Variants in HOXC5 observed in about 807,000 individuals in gnomAD.
HOXC5 encodes homeobox protein Hox-C5.
HOXC5 carries 19 observed loss-of-function variants against 20.1 expected under a neutral mutation model. The ratio of observed to expected loss-of-function variants is 0.94; its 90% CI spans 0.66 to 1.38. The LOEUF is 1.38. Among genes scored for constraint, HOXC5 ranks in the 40% most tolerant of loss-of-function variants. The pLI, the probability that HOXC5 is intolerant of heterozygous loss-of-function variation, is 0.00. For synonymous variants in HOXC5, 124 were observed against 117.0 expected (o/e 1.06, Z -0.39); for missense variants, 330 against 300.1 (o/e 1.10, Z -0.74).
At chr12:54,028,892 C>A (rs768769275), upstream of HOXC5, 12 of 1,612,358 alleles carry the variant, frequency 7.4e-6, no homozygotes, top group Non-Finnish European at 1.0e-5. Context: ...CAGATTTACC[C>A]CTGGATGCAG....
upstream of HOXC5, chr12:54,028,712 G>A: frequency 1.2e-6 from 2 of 1,614,072 alleles, 1 homozygote; most frequent in Non-Finnish European, 1.7e-6. Flanking sequence ...GTCGTGTTCA[G>A]TTCCAGCCGG....
rs1161639089 is a variant in HOXC5 at position 54,035,245 on chromosome 12, C to T, written c.*753C>T. ...AGAGGCCCTTTGCTGTCCCATAGTCCCTGCCACGAATTTCTGTGCCCTCCT... is the reference window on the plus strand; with the variant it reads ...AGAGGCCCTTTGCTGTCCCATAGTCTCTGCCACGAATTTCTGTGCCCTCCT... On this transcript the variant is annotated 3_prime_UTR_variant, in exon 2 of 2. Transcript: ENST00000312492. 6.5e-6 allele frequency: 1 copy of T among 152,810 alleles called. No homozygotes were observed. Among genetic ancestry groups the T allele is most frequent in the Admixed American group, 6.5e-5 (1 of 15,298 alleles). 9.5% of individuals were successfully genotyped at this position (152,810 alleles called of 1,614,324 possible).
At chr12:54,029,670 C>T, upstream of HOXC5, 2 of 1,613,094 alleles carry the variant, frequency 1.2e-6, no homozygotes, top group East Asian at 2.2e-5. Context: ...GGCTACGGAG[C>T]GGACCGGAGG....
At position 54,033,292 on chromosome 12, in the gene HOXC5, C is replaced by G. The variant is rs1401478868; in HGVS notation, c.170C>G (p.Ser57Cys). The change falls in exon 1 of 2, where the codon TCT (serine) becomes TGT (cysteine). Residue 57 changes from serine to cysteine, a missense_variant. Coordinates refer to ENST00000312492, the MANE Select transcript of HOXC5 (RefSeq NM_018953.4). Reference sequence around the variant, plus strand: ...TTCCCACCGCCTGCGCCTTCCAACTCTCTCCACGGGGTAGACATGGCTGCC... The same window carrying G: ...TTCCCACCGCCTGCGCCTTCCAACTGTCTCCACGGGGTAGACATGGCTGCC... Reference protein sequence around the residue: ...ITFPPPAPSNSLHGVDMAANP... With the variant: ...ITFPPPAPSNCLHGVDMAANP... 4 of 1,614,202 alleles carry G rather than the reference C, an allele frequency of 2.5e-6. No homozygotes were observed. Among genetic ancestry groups the G allele is most frequent in the Non-Finnish European group, 3.4e-6 (4 of 1,180,052 alleles).
Position 54,033,200 on chromosome 12 carries a change from C to T in HOXC5, c.78C>T (p.Asn26=). Residue 26 remains asparagine, a synonymous_variant, in exon 1 of 2, where the codon AAC becomes AAT. Coordinates refer to ENST00000312492, the MANE Select transcript of HOXC5 (RefSeq NM_018953.4). ...CCTATAACATGCAAACTTGTGGGAA[C>T]TATGGATCGGCCTCAGAGGTGCAGG... ...IPAYNMQTCG[N]YGSASEVQAS... 6.2e-7 allele frequency: 1 copy of T among 1,614,176 alleles called. No individual in the cohort carries two copies. Among genetic ancestry groups the T allele is most frequent in the Non-Finnish European group, 8.5e-7 (1 of 1,180,040 alleles).
chr12:54,025,529 G>C, the HOXC5 span, among the ~76,000 whole-genome samples: 249 of 36,888 alleles, frequency 6.8e-3, 2 homozygotes, highest in Middle Eastern at 0.012. Context: ...AAGGTAATTG[G>C]GGGGGGGGGA....
In HOXC5 at chr12:54,033,129, T is replaced by C. The variant is rs550186472; in HGVS notation, c.7T>C (p.Ser3Pro). Residue 3 changes from serine (S) to proline (P), a missense_variant, in exon 1 of 2, where the codon TCC becomes CCC. By Grantham distance (74) the Ser-to-Pro change is moderately conservative. Coordinates refer to ENST00000312492, the MANE Select transcript of HOXC5 (RefSeq NM_018953.4). MS[S>P]YVANSFYKQS... is the part of the protein sequence containing the mutation. ...TTTTTGGGCCCTCCCCGCCATGAGC[T>C]CCTACGTAGCCAATTCATTCTATAA... 6.2e-7 allele frequency: 1 copy of C among 1,602,738 alleles called. No individual in the cohort carries two copies. Among genetic ancestry groups the C allele is most frequent in the East Asian group, 2.2e-5 (1 of 44,530 alleles).
the HOXC5 span, among the ~76,000 whole-genome samples, chr12:54,025,104 G>A: frequency 5.3e-5 from 8 of 152,144 alleles, no homozygotes. Context: ...TGATGGGGTT[G>A]GGGGGTAGTG....
rs1941138660 is a variant in HOXC5, at chr12:54,034,792, G to C, written c.*300G>C. The C allele has an allele frequency of 2.5e-6, 1 of 399,052 alleles. No homozygotes were observed. The highest frequency in any genetic ancestry group is 3.7e-5 in the Admixed American group (1 of 27,080). The allele number at this position is 399,052 out of a possible 1,614,324, so 24.7% of individuals were successfully genotyped here. Reference sequence around the variant, plus strand: ...TGCGGCGTACAGGCTGGCGCAGAACGAACCTTGGCCTGGGCCGTATCTCCG... The same window carrying C: ...TGCGGCGTACAGGCTGGCGCAGAACCAACCTTGGCCTGGGCCGTATCTCCG... On this transcript the variant is annotated 3_prime_UTR_variant, in exon 2 of 2. Coordinates refer to ENST00000312492, the MANE Select transcript of HOXC5 (RefSeq NM_018953.4).
chr12:54,028,932 C>T (rs200862396), upstream of HOXC5: 2 of 1,598,964 alleles, frequency 1.3e-6, no homozygotes, highest in East Asian at 2.2e-5. Flanking sequence ...GTGAGTTTTA[C>T]AGCTCCGAGA....
rs1393734934 is a variant in HOXC5 at position 54,033,441 on chromosome 12, G to A, written c.319G>A (p.Ala107Thr). 3.1e-5 allele frequency: 49 copies of A among 1,601,266 alleles called. No individual in the cohort carries two copies. The highest frequency in any genetic ancestry group is 3.9e-5 in the Non-Finnish European group (46 of 1,175,010). The change falls in exon 1 of 2, where the codon GCG (alanine) becomes ACG (threonine). Residue 107 changes from alanine to threonine, a missense_variant. By Grantham distance (58) the Ala-to-Thr change is moderately conservative. Transcript: ENST00000312492. ...GTACAGTCAGAAGGCGGCTCGCCCG[G>A]CGCTGGAGGAGCGAGCTAAGAGCAG... Reference protein sequence around the residue: ...GMYSQKAARPALEERAKSSGE... With the variant: ...GMYSQKAARPTLEERAKSSGE...
upstream of HOXC5, chr12:54,032,984 A>C (rs1941043818): frequency 8.8e-6 from 6 of 681,026 alleles, no homozygotes; most frequent in South Asian, 2.0e-5. Context: ...TTATTTGGGA[A>C]GAGCGCATAG....
Position 54,033,426 on chromosome 12 carries a change from AAGGCGGCTCGCCCGGCGCTGGAGG to A in HOXC5, c.307_330del (p.Ala103_Glu110del), listed in dbSNP as rs1345158425. 6.2e-7 allele frequency: 1 copy of A among 1,605,848 alleles called. No homozygotes were observed. Among genetic ancestry groups the A allele is most frequent in the South Asian group, 1.1e-5 (1 of 90,382 alleles). On this transcript the variant is annotated inframe_deletion, in exon 1 of 2. Coordinates refer to ENST00000312492, the MANE Select transcript of HOXC5 (RefSeq NM_018953.4). Reference sequence around the variant, plus strand: ...TCTGAACCCCGGGATGTACAGTCAGAAGGCGGCTCGCCCGGCGCTGGAGGAGCGAGCTAAGAGCAGTGGGGAGAT... The same window carrying A: ...TCTGAACCCCGGGATGTACAGTCAGAAGCGAGCTAAGAGCAGTGGGGAGAT...
At chr12:54,020,804 G>C in the HOXC5 span, 1 of 152,146 alleles carries the variant, frequency 6.6e-6, no homozygotes, top group Non-Finnish European at 1.5e-5. Context: ...GTAACCAATG[G>C]ATGCCATAAA....
upstream of HOXC5, chr12:54,030,096 A>C: frequency 7.8e-6 from 7 of 895,188 alleles, no homozygotes; most frequent in South Asian, 1.4e-4. Flanking sequence ...TAGGGAGTCA[A>C]ACGTGGACCT....
chr12:54,033,625 T>A, intron 1 of HOXC5, 49 bp downstream of exon 1: 1 of 1,422,540 alleles, frequency 7.0e-7, no homozygotes. Context: ...CTGGGTTTTA[T>A]AGGCCATGCG....
chr12:54,024,491 A>C, the HOXC5 span, among the ~76,000 whole-genome samples: 1 of 152,246 alleles, frequency 6.6e-6, no homozygotes, highest in Non-Finnish European at 1.5e-5. Flanking sequence ...CAGGGAGAAC[A>C]CAACTAAGGA....
chr12:54,028,735 T>C, upstream of HOXC5: 1 of 1,614,138 alleles, frequency 6.2e-7, no homozygotes, highest in Non-Finnish European at 8.5e-7. Flanking sequence ...GCCGTATGAC[T>C]ATGGATCTAA....
At chr12:54,029,088 C>T (rs1940865093), upstream of HOXC5, among the ~76,000 whole-genome samples, 1 of 151,876 alleles carries the variant, frequency 6.6e-6, no homozygotes, top group African/African-American at 2.4e-5. Context: ...GCTCGCCTCT[C>T]GCTCGCTTGC....
Sources: gnomAD v4.1 joint callset for allele counts (sites outside exome capture counted in the v4.1 genomes callset) on GRCh38, gnomAD v4.1.1 for gene constraint, MANE v1.5 for transcripts, NCBI Gene and HGNC (gene_info 2026-07-23, HGNC 2026-07-21) for gene names.